Variants in TRHDE observed in about 807,000 individuals in gnomAD.
TRHDE encodes thyrotropin-releasing hormone-degrading ectoenzyme.
A neutral mutation model predicts 125.7 loss-of-function variants in TRHDE; 72 were observed. The observed-to-expected ratio is 0.57, with a 90% confidence interval of 0.47 to 0.70. The LOEUF is 0.70. Among genes scored for constraint, TRHDE ranks in the 30% least tolerant of loss-of-function variants. The pLI is 0.00. For synonymous variants in TRHDE, 509 were observed against 509.1 expected, an observed-to-expected ratio of 1.00 and a Z score of 0.00; for missense variants, 1,110 against 1,327.1, an observed-to-expected ratio of 0.84 and a Z score of 2.54.
intron 2 of TRHDE, among the ~76,000 whole-genome samples, chr12:72,126,448 A>T (rs1037646328): frequency 2.0e-4 from 31 of 152,178 alleles, no homozygotes; most frequent in African/African-American, 6.5e-4. Context: ...ACATTATCCA[A>T]CTTCAAACTA....
At chr12:72,510,962 G>A (rs534411461) in intron 6 of TRHDE, among the ~76,000 whole-genome samples, 31 of 152,272 alleles carry the variant, frequency 2.0e-4, no homozygotes, top group East Asian at 1.7e-3. Context: ...GTGAATGGTC[G>A]TTATGGGAAG....
At chr12:72,257,723 G>A (rs2139391830) in intron 2 of TRHDE, 1 of 152,232 alleles carries the variant, frequency 6.6e-6, no homozygotes, top group East Asian at 1.9e-4. Flanking sequence ...ATCTTCTAAA[G>A]TTCCTTCTCT....
intron 2 of TRHDE, among the ~76,000 whole-genome samples, chr12:72,113,821 C>G (rs1249164467): frequency 2.0e-5 from 3 of 152,096 alleles, no homozygotes; most frequent in Non-Finnish European, 4.4e-5. Flanking sequence ...AATAAACAAG[C>G]TATTACCTTG....
At position 72,575,267 on chromosome 12, in the gene TRHDE, T is replaced by G. The variant is rs1315263517; in HGVS notation, c.2144T>G (p.Ile715Arg). 1 of 1,613,244 alleles carries G rather than the reference T, an allele frequency of 6.2e-7. No homozygotes were observed. Among genetic ancestry groups the G allele is most frequent in the East Asian group, 2.2e-5 (1 of 44,852 alleles). The change falls in exon 11 of 19, where the codon ATA becomes AGA. Residue 715 changes from isoleucine to arginine, a missense_variant. Physicochemically the swap from Ile to Arg is moderately conservative, Grantham distance 97 (BLOSUM62 -3). Coordinates refer to ENST00000261180, the MANE Select transcript of TRHDE (RefSeq NM_013381.3). ...WVSNKSEHHR[I>R]TYLDKGSWLL... Reference sequence around the variant, plus strand: ...ATGCTTTTTTCAGAGCACCACAGAATAACTTATTTGGACAAAGGAAGCTGG... The same window carrying G: ...ATGCTTTTTTCAGAGCACCACAGAAGAACTTATTTGGACAAAGGAAGCTGG...
intron 3 of TRHDE, among the ~76,000 whole-genome samples, chr12:72,460,092 C>A (rs1019694221): frequency 6.6e-6 from 1 of 152,118 alleles, no homozygotes; most frequent in Non-Finnish European, 1.5e-5. Context: ...TCTGGAGAGC[C>A]TACTATCTCC....
chr12:72,185,145 G>A (rs903316368), intron 2 of TRHDE, among the ~76,000 whole-genome samples: 10 of 152,198 alleles, frequency 6.6e-5, no homozygotes, highest in Non-Finnish European at 1.2e-4. Flanking sequence ...CGGAGCAGCC[G>A]GCCAGCCCTG....
intron 2 of TRHDE, among the ~76,000 whole-genome samples, chr12:72,352,949 A>G (rs1347797444): frequency 6.7e-6 from 1 of 148,872 alleles, no homozygotes; most frequent in Non-Finnish European, 1.5e-5. Flanking sequence ...CCTCTTCTGT[A>G]CTTTTTTTTT....
chr12:72,150,166 A>G (rs1876325253), intron 2 of TRHDE, among the ~76,000 whole-genome samples: 1 of 152,190 alleles, frequency 6.6e-6, no homozygotes, highest in Non-Finnish European at 1.5e-5. Flanking sequence ...GATAATTACA[A>G]AGAGTATTGT....
intron 2 of TRHDE, among the ~76,000 whole-genome samples, chr12:72,109,821 A>T (rs551054123): frequency 2.6e-5 from 4 of 152,060 alleles, no homozygotes; most frequent in African/African-American, 9.7e-5. Flanking sequence ...ATTGTTACTC[A>T]TTGCCTGTGG....
chr12:72,278,486 C>T (rs184057776), intron 1 of TRHDE, among the ~76,000 whole-genome samples: 194 of 152,214 alleles, frequency 1.3e-3, no homozygotes, highest in Admixed American at 2.9e-3. Flanking sequence ...TATGGTAGTT[C>T]TATTTTTAAT....
chr12:72,641,969 A>G (rs561324343), intron 15 of TRHDE, among the ~76,000 whole-genome samples: 2 of 152,298 alleles, frequency 1.3e-5, no homozygotes, highest in East Asian at 1.9e-4. Context: ...TGTGATGCTG[A>G]AGCCCTCACA....
At chr12:72,352,236 A>AG (rs1870614719) in intron 2 of TRHDE, among the ~76,000 whole-genome samples, 1 of 149,986 alleles carries the variant, frequency 6.7e-6, no homozygotes, top group African/African-American at 2.5e-5. Context: ...TTGTTGGGAG[A>AG]GAAAAAAAAA....
At chr12:72,603,762 C>CAA (rs35615316) in intron 12 of TRHDE, among the ~76,000 whole-genome samples, 3,019 of 150,982 alleles carry the variant, frequency 0.02, 46 homozygotes, top group Admixed American at 0.052. Context: ...ACAACAACAA[C>CAA]AACAAAAAAA....
intron 6 of TRHDE, among the ~76,000 whole-genome samples, chr12:72,512,817 AG>A (rs1202368783): frequency 6.6e-6 from 1 of 151,478 alleles, no homozygotes; most frequent in Non-Finnish European, 1.5e-5. Flanking sequence ...AGGAAGGAAA[AG>A]GAGACTAGGA....
intron 12 of TRHDE, among the ~76,000 whole-genome samples, chr12:72,610,019 A>T (rs1156495687): frequency 6.6e-6 from 1 of 152,144 alleles, no homozygotes; most frequent in African/African-American, 2.4e-5. Context: ...TGGATTATTT[A>T]TTTTTTATTC....
intron 2 of TRHDE, among the ~76,000 whole-genome samples, chr12:72,335,973 G>A (rs1869813626): frequency 1.3e-5 from 2 of 152,122 alleles, no homozygotes; most frequent in African/African-American, 4.8e-5. Context: ...AGTAAAAGTT[G>A]TAAATTTAAG....
chr12:72,446,923 T>A (rs1326745624), intron 3 of TRHDE, among the ~76,000 whole-genome samples: 1 of 152,066 alleles, frequency 6.6e-6, no homozygotes, highest in African/African-American at 2.4e-5. Context: ...AATGGAAGAC[T>A]TTAACACCCG....
intron 12 of TRHDE, chr12:72,582,711 A>G (rs1160444080): frequency 1.3e-6 from 1 of 767,544 alleles, no homozygotes; most frequent in Non-Finnish European, 1.6e-6. Context: ...CTTTTGTGAG[A>G]AATACTTTGG....
rs1038205995 is a variant in TRHDE, at chr12:72,562,793, T to G, written c.1855-60T>G. On this transcript the variant is annotated intron_variant, in intron 8 of 18. Transcript: ENST00000261180. ...AAAAATAGAAATAAAAATGTCTTAATGTTAATAATGTTGATAATTCATGTT... is the reference window on the plus strand; with the variant it reads ...AAAAATAGAAATAAAAATGTCTTAAGGTTAATAATGTTGATAATTCATGTT... 6.4e-6 allele frequency: 7 copies of G among 1,094,612 alleles called. No homozygotes were observed. The African/African-American group carries it at 1.1e-4, about 18-fold the overall frequency. 67.8% of individuals were successfully genotyped at this position (1,094,612 alleles called of 1,614,324 possible).
Sources: allele counts gnomAD v4.1 joint callset (sites outside exome capture counted in the v4.1 genomes callset), GRCh38; gene constraint gnomAD v4.1.1; transcripts MANE v1.5; gene names NCBI Gene and HGNC (gene_info 2026-07-23, HGNC 2026-07-21).